SLC25A48: variants seen among roughly 807,000 people sequenced by gnomAD.
The protein encoded by SLC25A48 is CTC-321K16.1.
Under a neutral mutation model 32.2 loss-of-function variants are expected in SLC25A48, and 29 were observed. The observed-to-expected ratio is 0.90, with a 90% CI of 0.67 to 1.23. SLC25A48 has a LOEUF of 1.23. SLC25A48 is among the 50% of genes most tolerant of loss of function. The pLI is 0.00. For synonymous variants in SLC25A48, 164 were observed against 172.3 expected, an observed-to-expected ratio of 0.95 and a Z score of 0.38; for missense variants, 399 against 422.7, an observed-to-expected ratio of 0.94 and a Z score of 0.49.
Position 135,888,200 on chromosome 5 carries a change from A to T in SLC25A48, c.*176A>T. On this transcript the variant is annotated 3_prime_UTR_variant, in exon 8 of 8. Coordinates refer to ENST00000681962, the MANE Select transcript of SLC25A48 (RefSeq NM_001349336.2). ...GCCCTTCTGATGCCTGGGATGCCTC[A>T]TGAGTCACTGATTCAAGCCCTCCAA... The T allele has an allele frequency of 3.2e-6, 3 of 938,540 alleles. No individual in the cohort carries two copies. Among genetic ancestry groups the T allele is most frequent in the Non-Finnish European group, 4.9e-6 (3 of 618,514 alleles). The allele number at this position is 938,540 out of a possible 1,614,324, so 58.1% of individuals were successfully genotyped here.
At chr5:135,645,985 A>G (rs1213105638) in intron 3 of SLC25A48, among the ~76,000 whole-genome samples, 1 of 152,208 alleles carries the variant, frequency 6.6e-6, no homozygotes, top group African/African-American at 2.4e-5. Context: ...GGCCACAGGA[A>G]TTCATTCTTA....
At chr5:135,778,170 G>A (rs1458404691) in intron 3 of SLC25A48, among the ~76,000 whole-genome samples, 1 of 151,562 alleles carries the variant, frequency 6.6e-6, no homozygotes, top group Admixed American at 6.6e-5. Context: ...CTAATATTAA[G>A]GGGGGGAGAG....
intron 3 of SLC25A48, among the ~76,000 whole-genome samples, chr5:135,726,888 C>A (rs1755102546): frequency 6.6e-6 from 1 of 152,138 alleles, no homozygotes; most frequent in African/African-American, 2.4e-5. Flanking sequence ...GAAACTGTTT[C>A]CCAGAGTGGT....
intron 3 of SLC25A48, among the ~76,000 whole-genome samples, chr5:135,785,850 T>C (rs918330897): frequency 4.0e-5 from 6 of 149,770 alleles, no homozygotes; most frequent in Non-Finnish European, 1.5e-5. Flanking sequence ...TTTTGCCTCA[T>C]AAATTGTAAT....
At position 135,589,812 on chromosome 5, in the gene SLC25A48, A is replaced by G. The variant is rs1580704921; in HGVS notation, c.-849+10215A>G. 3.3e-5 allele frequency among the ~76,000 whole-genome samples: 5 copies of G among 152,210 alleles called. No homozygotes were observed. In the East Asian group the frequency reaches 9.7e-4, roughly 29 times the overall value. ...TGGGTTCAAGCGATTCTCCTGCTTC[A>G]GCCTCCCGAGTAGCTGGGACTATAG... On this transcript the variant is annotated intron_variant, in intron 1 of 10. Coordinates refer to the SLC25A48 transcript ENST00000646290.
Position 135,744,762 on chromosome 5 carries a change from G to A in SLC25A48, c.-520-67761G>A, listed in dbSNP as rs1281907054. ...GAACTCCTTCAAGATTCTCCCCCTT[G>A]GCTGGGTGTGGTGGCTAACACCTGT... is the stretch of plus-strand genomic sequence containing the variant. On this transcript the variant is annotated intron_variant, in intron 3 of 10. Transcript: ENST00000646290. 2.0e-5 allele frequency among the ~76,000 whole-genome samples: 3 copies of A among 152,144 alleles called. No individual in the cohort carries two copies. The East Asian group carries it at 5.8e-4, about 30-fold the overall frequency.
intron 1 of SLC25A48, among the ~76,000 whole-genome samples, chr5:135,841,151 C>T (rs1176687825): frequency 6.6e-6 from 1 of 152,174 alleles, no homozygotes; most frequent in Admixed American, 6.5e-5. Flanking sequence ...TTTCAATTTG[C>T]ATTTCCCAAA....
intron 6 of SLC25A48, chr5:135,874,808 A>G (rs1004603854): frequency 1.3e-5 from 8 of 608,376 alleles, no homozygotes; most frequent in Non-Finnish European, 2.4e-5. Flanking sequence ...TGTCCAAGGT[A>G]ATACACAGAT....
rs1754369794 is a variant in SLC25A48, at chr5:135,700,514, G to C, written c.-521+65558G>C. 2.0e-5 allele frequency among the ~76,000 whole-genome samples: 3 copies of C among 152,322 alleles called. No individual in the cohort carries two copies. The East Asian group carries it at 5.8e-4, about 29-fold the overall frequency. On this transcript the variant is annotated intron_variant, in intron 3 of 10. Coordinates refer to the SLC25A48 transcript ENST00000646290. ...GGGGCCGAGGACAGCAATGAAGGAGGGTGCCCAGCCTCTAGAGCCCATCTC... is the reference window on the plus strand; with the variant it reads ...GGGGCCGAGGACAGCAATGAAGGAGCGTGCCCAGCCTCTAGAGCCCATCTC...
intron 3 of SLC25A48, among the ~76,000 whole-genome samples, chr5:135,771,810 A>G (rs77743925): frequency 7.3e-4 from 54 of 73,764 alleles, no homozygotes; most frequent in South Asian, 2.5e-3. Context: ...TGTAATATTT[A>G]GGGGGGGGAG....
At chr5:135,715,556 C>T (rs967278274) in intron 3 of SLC25A48, among the ~76,000 whole-genome samples, 2 of 152,300 alleles carry the variant, frequency 1.3e-5, no homozygotes, top group Admixed American at 6.5e-5. Context: ...TGCCCAGGAG[C>T]GGGTTGGGAG....
intron 3 of SLC25A48, among the ~76,000 whole-genome samples, chr5:135,688,585 G>A (rs1754072122): frequency 6.6e-6 from 1 of 152,198 alleles, no homozygotes; most frequent in African/African-American, 2.4e-5. Flanking sequence ...AGGGAATATT[G>A]ATTTGAGCAT....
chr5:135,831,689 T>C (rs976793201), upstream of SLC25A48, among the ~76,000 whole-genome samples: 5 of 152,104 alleles, frequency 3.3e-5, no homozygotes, highest in Non-Finnish European at 7.4e-5. Context: ...ATGTGAGACA[T>C]TGAGGTGCAA....
chr5:135,653,248 G>A (rs917878909), intron 3 of SLC25A48, among the ~76,000 whole-genome samples: 1 of 152,168 alleles, frequency 6.6e-6, no homozygotes, highest in African/African-American at 2.4e-5. Flanking sequence ...GAATCAAAAG[G>A]CAGAATAAGA....
chr5:135,879,520 C>A (rs1316224403), intron 6 of SLC25A48, among the ~76,000 whole-genome samples: 1 of 151,782 alleles, frequency 6.6e-6, no homozygotes, highest in Non-Finnish European at 1.5e-5. Flanking sequence ...TCCTGTGAAG[C>A]CCCTGCTACA....
chr5:135,842,762 G>A (rs372584880), intron 2 of SLC25A48, among the ~76,000 whole-genome samples: 16 of 152,346 alleles, frequency 1.1e-4, no homozygotes, highest in African/African-American at 3.8e-4. Flanking sequence ...CAAGCCCCTT[G>A]TTCTGGGATG....
intron 3 of SLC25A48, among the ~76,000 whole-genome samples, chr5:135,795,481 T>C (rs1757144661): frequency 6.6e-6 from 1 of 151,812 alleles, no homozygotes; most frequent in Non-Finnish European, 1.5e-5. Flanking sequence ...CCATGGGGTG[T>C]GCACCCCTCC....
At position 135,872,907 on chromosome 5, in the gene SLC25A48, G is replaced by A. The variant is rs183646334; in HGVS notation, c.680-1114G>A. Reference sequence around the variant, plus strand: ...TACAGTTTCACGTTCTGGCCCCCAGGTGCCTGTGCTCATGCCCAGCTCCTA... The same window carrying A: ...TACAGTTTCACGTTCTGGCCCCCAGATGCCTGTGCTCATGCCCAGCTCCTA... On this transcript the variant is annotated intron_variant, in intron 5 of 7. Transcript: ENST00000681962. Among the ~76,000 whole-genome samples, 26 of 152,324 alleles carry A rather than the reference G, an allele frequency of 1.7e-4. 1 individual carries two copies. Among genetic ancestry groups the A allele is most frequent in the East Asian group, 7.7e-4 (4 of 5,178 alleles).
At chr5:135,619,731 G>T (rs1752278395) in intron 1 of SLC25A48, among the ~76,000 whole-genome samples, 1 of 152,000 alleles carries the variant, frequency 6.6e-6, no homozygotes, top group African/African-American at 2.4e-5. Context: ...GTTCAATACT[G>T]TAGTCTGTAT....
Sources: allele counts gnomAD v4.1 joint callset (sites outside exome capture counted in the v4.1 genomes callset), GRCh38; gene constraint gnomAD v4.1.1; transcripts MANE v1.5; gene names NCBI Gene and HGNC (gene_info 2026-07-23, HGNC 2026-07-21).